GYPB: variants seen among roughly 807,000 people sequenced by gnomAD.
GYPB encodes the protein glycophorin-B.
GYPB carries 13 observed loss-of-function variants against 15.3 expected under a neutral mutation model. That is an observed-to-expected ratio of 0.85 (90% CI 0.55 to 1.35). GYPB has a LOEUF of 1.35. Among genes scored for constraint, GYPB ranks in the 40% most tolerant of loss-of-function variants. The pLI, the probability that GYPB is intolerant of heterozygous loss-of-function variation, is 0.00. For missense variants in GYPB, 131 were observed against 108.3 expected (o/e 1.21, Z -0.93); for synonymous variants, 38 against 36.9 (o/e 1.03, Z -0.11).
At position 144,001,275 on chromosome 4, in the gene GYPB, T is replaced by C; in HGVS notation, c.46A>G (p.Ser16Gly). 3 of 1,612,900 alleles carry C rather than the reference T, an allele frequency of 1.9e-6. No individual in the cohort carries two copies. The highest frequency in any genetic ancestry group is 2.5e-6 in the Non-Finnish European group (3 of 1,179,800). ...TCAGTGGTACTTAATGCTGATATGC[T>C]CACAATTTCTGTATAAAATAGAAGT... ...IFVLLLSEIV[S>G]ISALSTTEVA... The change falls in exon 2 of 5, where the codon AGC becomes GGC. Residue 16 changes from serine to glycine, a missense_variant. Ser to Gly is a moderately conservative substitution (Grantham distance 56, BLOSUM62 0). Transcript: ENST00000502664.
chr4:144,018,781 A>G (rs1008642987), intron 1 of GYPB, among the ~76,000 whole-genome samples: 10 of 151,098 alleles, frequency 6.6e-5, no homozygotes, highest in South Asian at 2.1e-4. Context: ...ACAGAGAAGC[A>G]AACAACTCCC....
At chr4:144,001,854 G>A (rs1409111665) in intron 1 of GYPB, among the ~76,000 whole-genome samples, 3 of 149,502 alleles carry the variant, frequency 2.0e-5, no homozygotes, top group South Asian at 4.2e-4. Context: ...TTCAATAAAA[G>A]TGGAAACAAT....
At chr4:144,013,113 A>T in intron 1 of GYPB, among the ~76,000 whole-genome samples, 1 of 151,694 alleles carries the variant, frequency 6.6e-6, no homozygotes, top group Non-Finnish European at 1.5e-5. Flanking sequence ...GAAAGACAAA[A>T]ATAAATTTAA....
At chr4:144,009,583 T>G (rs1288365302) in intron 1 of GYPB, among the ~76,000 whole-genome samples, 1 of 147,780 alleles carries the variant, frequency 6.8e-6, no homozygotes, top group African/African-American at 2.6e-5. Flanking sequence ...ATTATTATTA[T>G]TTTGATTTTT....
At chr4:144,018,726 GT>G (rs780606293) in intron 1 of GYPB, among the ~76,000 whole-genome samples, 5 of 151,000 alleles carry the variant, frequency 3.3e-5, no homozygotes, top group Admixed American at 2.0e-4. Flanking sequence ...AGTAAGAGTT[GT>G]TTTTGTTTTT....
At chr4:144,004,768 A>T (rs1276528098) in intron 1 of GYPB, among the ~76,000 whole-genome samples, 1 of 151,844 alleles carries the variant, frequency 6.6e-6, no homozygotes, top group Non-Finnish European at 1.5e-5. Context: ...TCACACAACT[A>T]CTTGGCTCTC....
intron 2 of GYPB, among the ~76,000 whole-genome samples, chr4:144,000,801 CCT>C (rs1727581978): frequency 6.6e-6 from 1 of 150,994 alleles, no homozygotes; most frequent in African/African-American, 2.5e-5. Context: ...GGATAGAAAC[CCT>C]GCAGGGCAAC....
intron 1 of GYPB, among the ~76,000 whole-genome samples, chr4:144,012,988 A>G (rs944208937): frequency 6.6e-6 from 1 of 151,740 alleles, no homozygotes; most frequent in Non-Finnish European, 1.5e-5. Context: ...GCATCAAAGG[A>G]CACTATCAAA....
chr4:144,019,298 T>G lies in GYPB; in HGVS notation c.-11A>C. 1.2e-6 allele frequency: 2 copies of G among 1,611,868 alleles called. No individual in the cohort carries two copies. Among genetic ancestry groups the G allele is most frequent in the East Asian group, 2.2e-5 (1 of 44,804 alleles). ...TATTTTTCCATACATCCTGAGATCATGAGCTGGTTCCTGAAGTTAGTGCAA... is the reference window on the plus strand; with the variant it reads ...TATTTTTCCATACATCCTGAGATCAGGAGCTGGTTCCTGAAGTTAGTGCAA... On this transcript the variant is annotated 5_prime_UTR_variant, in exon 1 of 5. The change abolishes an upstream ATG in the 5' untranslated region. Transcript: ENST00000502664.
chr4:144,014,755 A>G (rs2149969688), intron 1 of GYPB, among the ~76,000 whole-genome samples: 1 of 151,584 alleles, frequency 6.6e-6, no homozygotes, highest in East Asian at 1.9e-4. Context: ...GTACACTTTA[A>G]AATGGTTCAA....
chr4:144,000,321 G>A (rs550738455), intron 2 of GYPB: 11 of 330,020 alleles, frequency 3.3e-5, no homozygotes, highest in East Asian at 2.3e-4. Context: ...GTTACAGCTC[G>A]TGTAAATAGA....
At chr4:144,010,722 G>A (rs751788525) in intron 1 of GYPB, among the ~76,000 whole-genome samples, 1 of 151,140 alleles carries the variant, frequency 6.6e-6, no homozygotes, top group South Asian at 2.1e-4. Flanking sequence ...ATGCACTCAC[G>A]GCCCGCACAA....
At chr4:144,004,855 G>A (rs1727813782) in intron 1 of GYPB, among the ~76,000 whole-genome samples, 1 of 151,782 alleles carries the variant, frequency 6.6e-6, no homozygotes, top group South Asian at 2.1e-4. Context: ...AAATATCTGT[G>A]AGAAGCTGGT....
chr4:143,998,774 G>A (rs1276103229), intron 3 of GYPB, among the ~76,000 whole-genome samples: 1 of 143,726 alleles, frequency 7.0e-6, no homozygotes. Context: ...AACTTCACTT[G>A]TTTTATAAGC....
At position 144,000,488 on chromosome 4, in the gene GYPB, G is replaced by A; in HGVS notation, c.136+697C>T. 3 of 837,958 alleles carry A rather than the reference G, an allele frequency of 3.6e-6. 1 individual carries two copies. The African/African-American group carries it at 5.5e-5, about 15-fold the overall frequency. 51.9% of individuals were successfully genotyped at this position (837,958 alleles called of 1,614,324 possible). A position where few individuals can be genotyped will look rare whatever the true frequency, so the allele number is the denominator to read the frequency against. On this transcript the variant is annotated intron_variant, in intron 2 of 4. Transcript: ENST00000502664. ...CGTTTGTGCTTATCTGCATATAAGA[G>A]AAGTTGAGAAAGGGAACAAGAATGA...
At chr4:144,007,595 A>G (rs1727989526) in intron 1 of GYPB, among the ~76,000 whole-genome samples, 1 of 151,396 alleles carries the variant, frequency 6.6e-6, no homozygotes, top group Non-Finnish European at 1.5e-5. Flanking sequence ...CATTCCAGCC[A>G]GTGCACATTC....
chr4:143,996,491 C>T (rs1011617835), intron 4 of GYPB, among the ~76,000 whole-genome samples, 187 bp from the exon 5 acceptor site: 8 of 151,194 alleles, frequency 5.3e-5, no homozygotes, highest in African/African-American at 1.2e-4. Context: ...TAGGGCCGGG[C>T]GCAGTGGCTC....
At chr4:144,001,968 C>CAAAAAAA (rs374342942) in intron 1 of GYPB, among the ~76,000 whole-genome samples, 2 of 96,254 alleles carry the variant, frequency 2.1e-5, no homozygotes, top group Non-Finnish European at 3.7e-5. Flanking sequence ...GATTCCGTTT[C>CAAAAAAA]AAAAAAAAAA....
At position 144,018,422 on chromosome 4, in the gene GYPB, G is replaced by T. The variant is rs559335122; in HGVS notation, c.37+829C>A. Among the ~76,000 whole-genome samples the T allele has an allele frequency of 6.0e-4, 90 of 150,916 alleles. 3 individuals carry two copies. The highest frequency in any genetic ancestry group is 1.8e-3 in the African/African-American group (73 of 40,346). Reference sequence around the variant, plus strand: ...TGCTCAGTAGATCCTTGATACTTGCGCTCACTTGGGTTACAGCAATGTCTA... The same window carrying T: ...TGCTCAGTAGATCCTTGATACTTGCTCTCACTTGGGTTACAGCAATGTCTA... On this transcript the variant is annotated intron_variant, in intron 1 of 4. Coordinates refer to ENST00000502664, the MANE Select transcript of GYPB (RefSeq NM_002100.6).
Sources: allele counts gnomAD v4.1 joint callset (sites outside exome capture counted in the v4.1 genomes callset), GRCh38; gene constraint gnomAD v4.1.1; transcripts MANE v1.5; gene names NCBI Gene and HGNC (gene_info 2026-07-23, HGNC 2026-07-21).